Variants in EIF3B observed in about 807,000 individuals in gnomAD.
The protein encoded by EIF3B is eukaryotic translation initiation factor 3 subunit 9.
In EIF3B, 10 loss-of-function variants were observed where a neutral mutation model predicts 104.6. That is an observed-to-expected ratio of 0.10 (90% CI 0.06 to 0.16). The LOEUF (loss-of-function observed/expected upper bound fraction) is 0.16. Among genes scored for constraint, EIF3B ranks in the 10% least tolerant of loss-of-function variants. The probability of loss-of-function intolerance (pLI) is 1.00; values close to 1 mark genes in which losing one functional copy is unlikely to be tolerated. For synonymous variants in EIF3B, 542 were observed against 417.2 expected (o/e 1.30, Z -3.65); for missense variants, 1,014 against 1,087.9 (o/e 0.93, Z 0.96).
Position 2,371,824 on chromosome 7 carries a change from A to G in EIF3B, c.1662A>G (p.Val554=). 1 of 1,613,968 alleles carries G rather than the reference A, an allele frequency of 6.2e-7. No individual in the cohort carries two copies. Among genetic ancestry groups the G allele is most frequent in the East Asian group, 2.2e-5 (1 of 44,870 alleles). Residue 554 remains valine (V), a synonymous_variant, in exon 11 of 19, where the codon GTA becomes GTG. Coordinates refer to ENST00000360876, the MANE Select transcript of EIF3B (RefSeq NM_001037283.2). The part of the protein sequence containing the change: ...FEIFRMREKQ[V]PVDVVEMKET... ...TTTTCCGAATGAGGGAGAAACAGGT[A>G]CCTGTGGATGTGGTCGAGATGAAAG...
At chr7:2,371,752 C>G (rs777608691) in intron 10 of EIF3B, 25 bp from the exon 11 acceptor site, 43 of 1,563,842 alleles carry the variant, frequency 2.7e-5, no homozygotes, top group Non-Finnish European at 3.8e-5. Flanking sequence ...CAGAATGTCA[C>G]CCCTTCCCCC....
chr7:2,370,450 C>T (rs1439919871), intron 10 of EIF3B, among the ~76,000 whole-genome samples: 6 of 152,096 alleles, frequency 3.9e-5, no homozygotes, highest in Non-Finnish European at 8.8e-5. Context: ...CACTGCACCC[C>T]AGCCTGGCGA....
At chr7:2,365,083 G>C (rs975684352) in intron 6 of EIF3B, among the ~76,000 whole-genome samples, 1 of 152,232 alleles carries the variant, frequency 6.6e-6, no homozygotes, top group Non-Finnish European at 1.5e-5. Flanking sequence ...TTCCTGAGTA[G>C]CGGGGACCGC....
chr7:2,366,662 T>C (rs1780042262), intron 8 of EIF3B, 71 bp downstream of exon 8: 1 of 1,556,828 alleles, frequency 6.4e-7, no homozygotes, highest in African/African-American at 1.4e-5. Flanking sequence ...TGCCTTTCCT[T>C]ATTTGTGCTA....
chr7:2,375,040 T>C (rs953803602), intron 13 of EIF3B: 3 of 344,912 alleles, frequency 8.7e-6, no homozygotes, highest in Admixed American at 8.4e-5. Context: ...GTCGAAATCA[T>C]GGAGAAGCTT....
rs202218391 is a variant in EIF3B, at chr7:2,378,040, T to A, written c.2155-649T>A. ...GTTCTGTGAATGACCCTGGGTGTCATGGAGGAAGGAGCAGGCACGAGCGCT... is the reference window on the plus strand; with the variant it reads ...GTTCTGTGAATGACCCTGGGTGTCAAGGAGGAAGGAGCAGGCACGAGCGCT... On this transcript the variant is annotated intron_variant, in intron 15 of 18. Transcript: ENST00000360876. 3.9e-3 allele frequency: 113 copies of A among 28,634 alleles called. 1 individual carries two copies. Among genetic ancestry groups the A allele is most frequent in the South Asian group, 7.5e-3 (8 of 1,068 alleles). 1.8% of individuals were successfully genotyped at this position (28,634 alleles called of 1,614,324 possible). A position where few individuals can be genotyped will look rare whatever the true frequency, so the allele number is the denominator to read the frequency against.
At chr7:2,360,633 C>G (rs1779677926) in intron 1 of EIF3B, 77 bp from the exon 2 acceptor site, 1 of 1,184,774 alleles carries the variant, frequency 8.4e-7, no homozygotes, top group African/African-American at 1.5e-5. Context: ...TTCTTGAAGA[C>G]TTGTTTAGTG....
chr7:2,358,455 C>T (rs1779569450), intron 1 of EIF3B, among the ~76,000 whole-genome samples: 1 of 152,010 alleles, frequency 6.6e-6, no homozygotes, highest in African/African-American at 2.4e-5. Context: ...GCCACCATGC[C>T]CAGCCAACTT....
intron 14 of EIF3B, chr7:2,376,199 T>C (rs1054062): frequency 0.019 from 2,834 of 152,644 alleles, 93 homozygotes; most frequent in African/African-American, 0.065. Context: ...GCCTTGACAC[T>C]TGAAATCACT....
chr7:2,374,448 C>T (rs1002692935), intron 12 of EIF3B, 80 bp from the exon 13 acceptor site: 89 of 1,417,218 alleles, frequency 6.3e-5, no homozygotes, highest in Non-Finnish European at 8.2e-5. Flanking sequence ...AGCATGAGCA[C>T]GGCCAAGTCC....
chr7:2,354,958 G>C lies in EIF3B; in HGVS notation c.37G>C (p.Ala13Pro). Residue 13 changes from alanine (A) to proline (P), a missense_variant, in exon 1 of 19, where the codon GCC (alanine) becomes CCC (proline). This residue lies in a region of EIF3B where 488 missense variants were observed against 404.3 expected (regional missense o/e 1.21). Coordinates refer to ENST00000360876, the MANE Select transcript of EIF3B (RefSeq NM_001037283.2). ...DAENVAVPEA[A>P]EERAEPGQQQ... ...GGAGAACGTGGCGGTGCCCGAGGCG[G>C]CCGAGGAGCGCGCCGAGCCCGGCCA... 8.2e-7 allele frequency: 1 copy of C among 1,217,048 alleles called. No homozygotes were observed. The highest frequency in any genetic ancestry group is 1.0e-6 in the Non-Finnish European group (1 of 972,290). 75.4% of individuals were successfully genotyped at this position (1,217,048 alleles called of 1,614,324 possible). A position where few individuals can be genotyped will look rare whatever the true frequency, so the allele number is the denominator to read the frequency against.
chr7:2,357,314 G>A (rs1389415379), intron 1 of EIF3B, among the ~76,000 whole-genome samples: 1 of 152,200 alleles, frequency 6.6e-6, no homozygotes, highest in Non-Finnish European at 1.5e-5. Context: ...AGAGTGACAG[G>A]TGAGGCATCT....
intron 2 of EIF3B, among the ~76,000 whole-genome samples, chr7:2,361,936 C>G (rs1000131695): frequency 6.6e-6 from 1 of 150,646 alleles, no homozygotes; most frequent in African/African-American, 2.4e-5. Flanking sequence ...ACTACCACGC[C>G]TGGCTTGCTT....
At chr7:2,366,712 C>G in intron 8 of EIF3B, 121 bp downstream of exon 8, 1 of 1,154,298 alleles carries the variant, frequency 8.7e-7, no homozygotes, top group Non-Finnish European at 1.3e-6. Flanking sequence ...TAGGAAAGGC[C>G]TGTCTCCTGT....
At chr7:2,368,713 C>T (rs950630755) in intron 9 of EIF3B, among the ~76,000 whole-genome samples, 7 of 152,226 alleles carry the variant, frequency 4.6e-5, no homozygotes, top group African/African-American at 1.7e-4. Flanking sequence ...GGTACTCTTC[C>T]ATCCGAGGCA....
rs771025157 is a variant in EIF3B at position 2,355,365 on chromosome 7, G to A, written c.444G>A (p.Ala148=). 3 of 1,536,776 alleles carry A rather than the reference G, an allele frequency of 2.0e-6. No individual in the cohort carries two copies. Among genetic ancestry groups the A allele is most frequent in the Non-Finnish European group, 2.6e-6 (3 of 1,148,148 alleles). ...CCCGGGCGCTGGAGAACGGCGACGC[G>A]GACGAGCCCTCCTTCAGCGACCCCG... is the stretch of plus-strand genomic sequence containing the variant. The part of the protein sequence containing the change: ...AEPRALENGD[A]DEPSFSDPED... Residue 148 remains alanine (A), a synonymous_variant, in exon 1 of 19, where the codon GCG becomes GCA. Transcript: ENST00000360876.
chr7:2,358,842 T>C (rs1779591504), intron 1 of EIF3B, among the ~76,000 whole-genome samples: 1 of 152,242 alleles, frequency 6.6e-6, no homozygotes, highest in Non-Finnish European at 1.5e-5. Flanking sequence ...TTCTAAATTC[T>C]GACACGTGAT....
Position 2,366,306 on chromosome 7 carries a change from T to C in EIF3B, c.1158-11T>C, listed in dbSNP as rs373938496. 1.1e-3 allele frequency: 1,729 copies of C among 1,595,952 alleles called. 2 individuals are homozygous for C. Among genetic ancestry groups the C allele is most frequent in the Non-Finnish European group, 1.3e-3 (1,512 of 1,172,214 alleles). On this transcript the variant is annotated splice_polypyrimidine_tract_variant and intron_variant, in intron 6 of 18. Transcript: ENST00000360876. ...AGGAGGATAGTGTACAGTGTTGCCCTTCTCTTCTAGGTACCTGGTGACCTT... is the reference window on the plus strand; with the variant it reads ...AGGAGGATAGTGTACAGTGTTGCCCCTCTCTTCTAGGTACCTGGTGACCTT...
At chr7:2,372,136 G>C in intron 11 of EIF3B, 1 of 396,040 alleles carries the variant, frequency 2.5e-6, no homozygotes, top group South Asian at 3.0e-5. Flanking sequence ...GAGCCCAGGA[G>C]CAGAGGTTGC....
Sources: gnomAD v4.1 joint callset for allele counts (sites outside exome capture counted in the v4.1 genomes callset) on GRCh38, gnomAD v4.1.1 for gene constraint, gnomAD v4.1.1 regional missense constraint, MANE v1.5 for transcripts, NCBI Gene and HGNC (gene_info 2026-07-23, HGNC 2026-07-21) for gene names.